Variants in STOML3 observed in about 807,000 individuals in gnomAD.
The protein encoded by STOML3 is stomatin like 3.
STOML3 carries 31 observed loss-of-function variants against 29.5 expected under a neutral mutation model. The ratio of observed to expected loss-of-function variants is 1.05; its 90% CI spans 0.79 to 1.42. The LOEUF (loss-of-function observed/expected upper bound fraction) is 1.42, where lower values mean the gene tolerates loss of function less well. Among genes scored for constraint, STOML3 ranks in the 40% most tolerant of loss-of-function variants. STOML3 has a pLI of 0.00. For missense variants in STOML3, 380 were observed against 363.0 expected, an observed-to-expected ratio of 1.05 and a Z score of -0.38; for synonymous variants, 122 against 139.8, an observed-to-expected ratio of 0.87 and a Z score of 0.90.
In STOML3 at chr13:38,978,913, C is replaced by T. The variant is rs138952350; in HGVS notation, c.53-2116G>A. 3.6e-3 allele frequency among the ~76,000 whole-genome samples: 544 copies of T among 152,318 alleles called. 2 individuals are homozygous for T. Among genetic ancestry groups the T allele is most frequent in the Non-Finnish European group, 4.6e-3 (314 of 68,030 alleles). On this transcript the variant is annotated intron_variant, in intron 1 of 6. Transcript: ENST00000379631. ...CTGGTAGTAGAACTGTTAGGTCATACAATTTTGATAGATGATAAATGCCTT... is the reference window on the plus strand; with the variant it reads ...CTGGTAGTAGAACTGTTAGGTCATATAATTTTGATAGATGATAAATGCCTT...
At chr13:38,984,474 A>G (rs1868429812) in intron 1 of STOML3, among the ~76,000 whole-genome samples, 1 of 152,156 alleles carries the variant, frequency 6.6e-6, no homozygotes, top group Non-Finnish European at 1.5e-5. Flanking sequence ...TGGACCATAT[A>G]TACGATGGTG....
Position 38,976,612 on chromosome 13 carries a change from T to C in STOML3, c.157A>G (p.Ile53Val), listed in dbSNP as rs2138015003. The change falls in exon 3 of 7, where the codon ATC becomes GTC. Residue 53 changes from isoleucine (I) to valine (V), a missense_variant and splice_region_variant. Ile to Val is a conservative substitution (Grantham distance 29). Transcript: ENST00000379631. ...FPISIWMCLKIIKEYERAVVF... is the reference protein window; with the variant it reads ...FPISIWMCLKVIKEYERAVVF... ...ACAGCACGTTCATACTCCTTAATGA[T>C]CTAGGAGATTAAGGGCGAACGTTTA... 6.2e-7 allele frequency: 1 copy of C among 1,614,142 alleles called. No homozygotes were observed. Among genetic ancestry groups the C allele is most frequent in the Middle Eastern group, 1.6e-4 (1 of 6,062 alleles).
chr13:38,989,541 C>T (rs1329229604), intron 1 of STOML3, among the ~76,000 whole-genome samples: 1 of 151,710 alleles, frequency 6.6e-6, no homozygotes, highest in Non-Finnish European at 1.5e-5. Context: ...CTCACTCTGT[C>T]ACCCAGGCTG....
intron 1 of STOML3, among the ~76,000 whole-genome samples, chr13:38,983,480 C>T (rs138338965): frequency 2.1e-3 from 319 of 152,212 alleles, no homozygotes; most frequent in African/African-American, 7.4e-3. Context: ...ATGTTCTGGT[C>T]CATCTAGATA....
chr13:38,983,828 C>T (rs190140860), intron 1 of STOML3, among the ~76,000 whole-genome samples: 3 of 152,270 alleles, frequency 2.0e-5, no homozygotes, highest in African/African-American at 7.2e-5. Context: ...ACTGTATGTT[C>T]CCTTTTACCA....
intron 1 of STOML3, chr13:38,980,189 G>C: frequency 2.0e-6 from 3 of 1,504,244 alleles, no homozygotes; most frequent in Non-Finnish European, 2.7e-6. Context: ...TTACACTGGA[G>C]CATTAGAATC....
At chr13:38,972,644 C>G (rs766614230) in intron 3 of STOML3, 50 bp from the exon 4 acceptor site, 2 of 1,529,972 alleles carry the variant, frequency 1.3e-6, no homozygotes, top group South Asian at 2.2e-5. Flanking sequence ...AAAATAACTA[C>G]AAGTAGTCTC....
chr13:38,976,421 C>A, intron 3 of STOML3, 119 bp downstream of exon 3: 2 of 1,129,832 alleles, frequency 1.8e-6, no homozygotes. Context: ...GCAAGAGCCC[C>A]AGCTTCTAGC....
intron 1 of STOML3, among the ~76,000 whole-genome samples, chr13:38,978,710 A>G (rs1200589188): frequency 6.6e-6 from 1 of 152,080 alleles, no homozygotes; most frequent in Non-Finnish European, 1.5e-5. Context: ...AAGTCACTAA[A>G]CCTAAATGAT....
Sources: gnomAD v4.1 joint callset for allele counts (sites outside exome capture counted in the v4.1 genomes callset) on GRCh38, gnomAD v4.1.1 for gene constraint, MANE v1.5 for transcripts, NCBI Gene and HGNC (gene_info 2026-07-23, HGNC 2026-07-21) for gene names.